DMXL1: variants seen among roughly 807,000 people sequenced by gnomAD.
DMXL1 encodes the protein Dmx like 1, also known as dmX-like protein 1.
A neutral mutation model predicts 319.2 loss-of-function variants in DMXL1; 99 were observed. The ratio of observed to expected loss-of-function variants is 0.31; its 90% CI spans 0.26 to 0.37. The LOEUF (loss-of-function observed/expected upper bound fraction) is 0.37, where lower values mean the gene tolerates loss of function less well. DMXL1 is among the 10% of genes least tolerant of loss of function. The pLI is 1.00. For synonymous variants in DMXL1, 1,385 were observed against 1,235.2 expected, an observed-to-expected ratio of 1.12 and a Z score of -2.54; for missense variants, 3,745 against 3,595.6, an observed-to-expected ratio of 1.04 and a Z score of -1.06.
chr5:119,165,635 T>G (rs1581113902), intron 21 of DMXL1, among the ~76,000 whole-genome samples: 1 of 152,248 alleles, frequency 6.6e-6, no homozygotes, highest in South Asian at 2.1e-4. Context: ...AGAGGTTTAT[T>G]GGACTTACAG....
At chr5:119,136,919 G>T (rs1313376020) in intron 13 of DMXL1, among the ~76,000 whole-genome samples, 1 of 152,280 alleles carries the variant, frequency 6.6e-6, no homozygotes, top group South Asian at 2.1e-4. Flanking sequence ...AGTGGAGTTG[G>T]AGCGTCCCAC....
chr5:119,224,119 C>T lies in DMXL1; in HGVS notation c.8278-590C>T, dbSNP rs573361672. Reference sequence around the variant, plus strand: ...TCTCCACAACTTTAGGCTAATTGAACCATTTAAAATCCAAAAGAATAACAA... The same window carrying T: ...TCTCCACAACTTTAGGCTAATTGAATCATTTAAAATCCAAAAGAATAACAA... On this transcript the variant is annotated intron_variant, in intron 37 of 43. Coordinates refer to ENST00000539542, the MANE Select transcript of DMXL1 (RefSeq NM_001290321.3). 2.6e-5 allele frequency among the ~76,000 whole-genome samples: 4 copies of T among 152,106 alleles called. No individual in the cohort carries two copies. The East Asian group carries it at 7.7e-4, about 29-fold the overall frequency.
At chr5:119,077,277 A>C (rs1751095957) in intron 1 of DMXL1, among the ~76,000 whole-genome samples, 1 of 151,372 alleles carries the variant, frequency 6.6e-6, no homozygotes, top group African/African-American at 2.5e-5. Flanking sequence ...CAGTGATTAT[A>C]GATCTTTTGA....
chr5:119,242,603 A>G (rs1211260637), intron 42 of DMXL1, among the ~76,000 whole-genome samples: 1 of 152,214 alleles, frequency 6.6e-6, no homozygotes, highest in Non-Finnish European at 1.5e-5. Flanking sequence ...GCAGATATCA[A>G]CAAACTGATT....
chr5:119,071,756 T>C (rs1225115948), intron 1 of DMXL1, 100 bp downstream of exon 1: 1 of 1,143,608 alleles, frequency 8.7e-7, no homozygotes, highest in Non-Finnish European at 1.2e-6. Flanking sequence ...CGAGGTCTTG[T>C]CTCCCCAGGG....
intron 19 of DMXL1, among the ~76,000 whole-genome samples, chr5:119,163,932 G>C (rs888530657): frequency 6.6e-5 from 10 of 151,822 alleles, no homozygotes; most frequent in African/African-American, 2.4e-4. Context: ...GACTGGTCTC[G>C]AACTTCTGAC....
At chr5:119,239,209 T>C in intron 41 of DMXL1, 129 bp downstream of exon 41, 1 of 1,014,580 alleles carries the variant, frequency 9.9e-7, no homozygotes, top group Non-Finnish European at 1.4e-6. Context: ...TAAAAACTAT[T>C]ATTTATTGGC....
intron 28 of DMXL1, among the ~76,000 whole-genome samples, chr5:119,181,496 G>T (rs1581190031): frequency 1.3e-5 from 2 of 152,164 alleles, no homozygotes; most frequent in Admixed American, 6.5e-5. Flanking sequence ...AAAACTAAAG[G>T]CCTGCTGGTT....
intron 28 of DMXL1, 52 bp from the exon 29 acceptor site, chr5:119,189,656 A>G: frequency 3.2e-6 from 5 of 1,549,180 alleles, no homozygotes; most frequent in Non-Finnish European, 4.4e-6. Context: ...CACAGGTGAA[A>G]TAAATGCAAT....
At chr5:119,121,553 C>A (rs1762060324) in intron 9 of DMXL1, among the ~76,000 whole-genome samples, 1 of 152,070 alleles carries the variant, frequency 6.6e-6, no homozygotes, top group African/African-American at 2.4e-5. Context: ...ATCCATTTAA[C>A]CCTGAGTGGA....
intron 8 of DMXL1, 48 bp downstream of exon 8, chr5:119,119,052 T>G: frequency 3.0e-6 from 4 of 1,320,588 alleles, no homozygotes; most frequent in Non-Finnish European, 4.1e-6. Context: ...AAACCTTTGG[T>G]ACATTGCCTT....
intron 23 of DMXL1, among the ~76,000 whole-genome samples, chr5:119,168,224 G>C (rs1207144957): frequency 6.6e-6 from 1 of 152,150 alleles, no homozygotes; most frequent in Non-Finnish European, 1.5e-5. Context: ...AATGTGTTCA[G>C]TGTAAAAACA....
At chr5:119,123,562 T>G (rs922532716) in intron 9 of DMXL1, among the ~76,000 whole-genome samples, 35 of 152,346 alleles carry the variant, frequency 2.3e-4, no homozygotes, top group African/African-American at 8.4e-4. Flanking sequence ...ATTTAGGATC[T>G]TGATAAGGCA....
chr5:119,132,146 A>G (rs1765040816), intron 10 of DMXL1, among the ~76,000 whole-genome samples: 1 of 152,166 alleles, frequency 6.6e-6, no homozygotes, highest in Non-Finnish European at 1.5e-5. Flanking sequence ...TGATAGATTG[A>G]ACCATTCTGG....
At chr5:119,122,929 G>T (rs1239179624) in intron 9 of DMXL1, among the ~76,000 whole-genome samples, 1 of 152,188 alleles carries the variant, frequency 6.6e-6, no homozygotes, top group Non-Finnish European at 1.5e-5. Context: ...TGCAATCTCG[G>T]CACTTTGGGA....
chr5:119,168,046 C>T (rs112294797), intron 23 of DMXL1, among the ~76,000 whole-genome samples, 182 bp downstream of exon 23: 313 of 151,960 alleles, frequency 2.1e-3, no homozygotes, highest in African/African-American at 7.0e-3. Context: ...AAACAAAGAA[C>T]GTTGGATTTT....
intron 34 of DMXL1, among the ~76,000 whole-genome samples, chr5:119,210,139 C>A (rs1782491065): frequency 6.6e-6 from 1 of 151,780 alleles, no homozygotes; most frequent in African/African-American, 2.4e-5. Flanking sequence ...GATGAGTAGA[C>A]TGGGTTTCAC....
chr5:119,234,738 T>C (rs1331727527), intron 39 of DMXL1, among the ~76,000 whole-genome samples: 2 of 152,148 alleles, frequency 1.3e-5, no homozygotes, highest in Non-Finnish European at 2.9e-5. Context: ...TCCTAACTAA[T>C]CTCTATACCT....
At chr5:119,077,674 A>ATGTGTGTG (rs369098761) in intron 1 of DMXL1, among the ~76,000 whole-genome samples, 5 of 118,858 alleles carry the variant, frequency 4.2e-5, no homozygotes, top group African/African-American at 1.4e-4. Flanking sequence ...GTGTATATAT[A>ATGTGTGTG]TGTGTGTGTG....
Sources: gnomAD v4.1 joint callset for allele counts (sites outside exome capture counted in the v4.1 genomes callset) on GRCh38, gnomAD v4.1.1 for gene constraint, MANE v1.5 for transcripts, NCBI Gene and HGNC (gene_info 2026-07-23, HGNC 2026-07-21) for gene names.